PCDHGA1: variants seen among roughly 807,000 people sequenced by gnomAD.
The protein encoded by PCDHGA1 is protocadherin gamma subfamily A, 1.
PCDHGA1 carries 32 observed loss-of-function variants against 58.0 expected under a neutral mutation model. The observed-to-expected ratio is 0.55, with a 90% CI of 0.42 to 0.74. The LOEUF (loss-of-function observed/expected upper bound fraction) is 0.74, where lower values mean the gene tolerates loss of function less well. Among genes scored for constraint, PCDHGA1 ranks in the 30% least tolerant of loss-of-function variants. PCDHGA1 has a pLI of 0.00. For missense variants in PCDHGA1, 1,205 were observed against 1,182.3 expected, an observed-to-expected ratio of 1.02 and a Z score of -0.28; for synonymous variants, 498 against 501.1, an observed-to-expected ratio of 0.99 and a Z score of 0.08.
At chr5:141,425,447 A>G (rs549575207) in intron 1 of PCDHGA1, among the ~76,000 whole-genome samples, 5 of 152,318 alleles carry the variant, frequency 3.3e-5, no homozygotes, top group African/African-American at 1.2e-4. Flanking sequence ...AAAATAAAAC[A>G]CCATCACATT....
chr5:141,488,428 C>A (rs1234461104), intron 1 of PCDHGA1, among the ~76,000 whole-genome samples: 1 of 152,186 alleles, frequency 6.6e-6, no homozygotes, highest in Non-Finnish European at 1.5e-5. Context: ...CATGCTTGGC[C>A]TCTGACCACC....
Position 141,405,029 on chromosome 5 carries a change from C to G in PCDHGA1, c.2421+71924C>G, listed in dbSNP as rs565871444. 16 of 1,613,976 alleles carry G rather than the reference C, an allele frequency of 9.9e-6. No individual in the cohort carries two copies. The Admixed American group carries it at 1.0e-4, about 10-fold the overall frequency. On this transcript the variant is annotated intron_variant, in intron 1 of 3. Coordinates refer to ENST00000517417, the MANE Select transcript of PCDHGA1 (RefSeq NM_018912.3). ...GGAGGCCTCAGACCTTACCCTCTAC[C>G]TCGTTGTGGCTGTGGCAGTCGTCTC...
In PCDHGA1 at chr5:141,351,829, C is replaced by T. The variant is rs1330415578; in HGVS notation, c.2421+18724C>T. On this transcript the variant is annotated intron_variant, in intron 1 of 3. Transcript: ENST00000517417. ...CCTTCGACCACGAGCAGCTGCGCGCCTTCGAGCTCACACTGCAGGCCAGGG... is the reference window on the plus strand; with the variant it reads ...CCTTCGACCACGAGCAGCTGCGCGCTTTCGAGCTCACACTGCAGGCCAGGG... 10 of 1,613,244 alleles carry T rather than the reference C, an allele frequency of 6.2e-6. No homozygotes were observed. The Middle Eastern group carries it at 5.0e-4, about 80-fold the overall frequency.
intron 1 of PCDHGA1, chr5:141,478,359 G>A: frequency 6.2e-7 from 1 of 1,613,734 alleles, no homozygotes; most frequent in Non-Finnish European, 8.5e-7. Flanking sequence ...GACGCCGTGC[G>A]GGGAGGCCTG....
intron 1 of PCDHGA1, chr5:141,422,091 G>C: frequency 6.2e-7 from 1 of 1,611,830 alleles, no homozygotes. Context: ...TGGAAAGCAA[G>C]GCTTCTGAAA....
At chr5:141,366,313 C>T (rs1764486391) in intron 1 of PCDHGA1, 1 of 1,613,760 alleles carries the variant, frequency 6.2e-7, no homozygotes, top group Non-Finnish European at 8.5e-7. Context: ...TCACGGTCAC[C>T]GTTGCCGTGG....
intron 1 of PCDHGA1, among the ~76,000 whole-genome samples, chr5:141,382,030 T>C (rs953371042): frequency 6.6e-6 from 1 of 151,856 alleles, no homozygotes; most frequent in African/African-American, 2.4e-5. Context: ...GGTTTCTCCA[T>C]GTTGGTCAGG....
intron 1 of PCDHGA1, chr5:141,403,870 T>A: frequency 6.2e-7 from 1 of 1,613,498 alleles, no homozygotes; most frequent in African/African-American, 1.3e-5. Flanking sequence ...CAGCAAAAAG[T>A]CTAGATTATG....
At chr5:141,413,385 A>G (rs1328460811) in intron 1 of PCDHGA1, 23 of 1,613,870 alleles carry the variant, frequency 1.4e-5, no homozygotes, top group Non-Finnish European at 1.8e-5. Flanking sequence ...GAGTCCGCAT[A>G]GTCTCCAGAG....
intron 1 of PCDHGA1, chr5:141,343,779 G>A (rs1757323091): frequency 2.4e-6 from 1 of 414,320 alleles, no homozygotes; most frequent in South Asian, 6.1e-5. Context: ...AGGCCTCTTA[G>A]TGTCGCTGTT....
intron 1 of PCDHGA1, chr5:141,333,517 C>T (rs1417457501): frequency 3.8e-6 from 1 of 260,036 alleles, no homozygotes; most frequent in African/African-American, 2.3e-5. Context: ...GCTAATCTAC[C>T]CCTGAATTTA....
At position 141,489,063 on chromosome 5, in the gene PCDHGA1, C is replaced by A; in HGVS notation, c.2422-5744C>A. ...CTCCACTCAAATTCAGCTCCCCTCC[C>A]CCCTGCCCACCCCCGCCACTCGGTG... On this transcript the variant is annotated intron_variant, in intron 1 of 3. Coordinates refer to ENST00000517417, the MANE Select transcript of PCDHGA1 (RefSeq NM_018912.3). This position sits in a 1 kb window ranked among gnomAD's most constrained non-coding sequence, Gnocchi z 4.5. 2.6e-6 allele frequency: 1 copy of A among 384,986 alleles called. No individual in the cohort carries two copies. Among genetic ancestry groups the A allele is most frequent in the East Asian group, 4.5e-5 (1 of 22,374 alleles). 23.8% of individuals were successfully genotyped at this position (384,986 alleles called of 1,614,324 possible). A position where few individuals can be genotyped will look rare whatever the true frequency, so the allele number is the denominator to read the frequency against.
intron 1 of PCDHGA1, chr5:141,361,215 G>A: frequency 1.2e-6 from 2 of 1,613,962 alleles, no homozygotes; most frequent in Non-Finnish European, 1.7e-6. Flanking sequence ...CGGAGGATTC[G>A]CCACCAGGAA....
intron 1 of PCDHGA1, chr5:141,484,949 A>G: frequency 1.8e-6 from 1 of 557,402 alleles, no homozygotes; most frequent in East Asian, 3.1e-5. Flanking sequence ...TGCTCAGCCT[A>G]TTGGCTGAGC....
intron 1 of PCDHGA1, among the ~76,000 whole-genome samples, chr5:141,434,463 G>A (rs967685246): frequency 5.9e-5 from 9 of 152,192 alleles, no homozygotes; most frequent in Admixed American, 1.3e-4. Flanking sequence ...TGGGTTTACC[G>A]GAATGAGGGC....
intron 1 of PCDHGA1, among the ~76,000 whole-genome samples, chr5:141,457,029 C>G (rs2098904194): frequency 6.6e-6 from 1 of 152,170 alleles, no homozygotes; most frequent in Non-Finnish European, 1.5e-5. Flanking sequence ...TCCTAGTAGA[C>G]TCAGTGATAG....
intron 1 of PCDHGA1, among the ~76,000 whole-genome samples, chr5:141,358,236 T>C (rs1225298573): frequency 1.3e-5 from 2 of 152,182 alleles, no homozygotes; most frequent in African/African-American, 2.4e-5. Flanking sequence ...AATTTCCTTT[T>C]CTCTTAGGTG....
Position 141,486,390 on chromosome 5 carries a change from C to G in PCDHGA1, c.2422-8417C>G. 6.2e-7 allele frequency: 1 copy of G among 1,614,138 alleles called. No individual in the cohort carries two copies. The highest frequency in any genetic ancestry group is 8.5e-7 in the Non-Finnish European group (1 of 1,179,996). Reference sequence around the variant, plus strand: ...AAGTCTGCCTTCAGGAACCAGTTCTCCCTGGTGACTGCTGGACCCTTGGAT... The same window carrying G: ...AAGTCTGCCTTCAGGAACCAGTTCTGCCTGGTGACTGCTGGACCCTTGGAT... On this transcript the variant is annotated intron_variant, in intron 1 of 3. Coordinates refer to ENST00000517417, the MANE Select transcript of PCDHGA1 (RefSeq NM_018912.3). This position sits in a 1 kb window ranked among gnomAD's most constrained non-coding sequence, Gnocchi z 5.0.
At chr5:141,384,214 T>A in intron 1 of PCDHGA1, 1 of 1,613,874 alleles carries the variant, frequency 6.2e-7, no homozygotes, top group Non-Finnish European at 8.5e-7. Flanking sequence ...AACTCACATA[T>A]TCATGCAGGT....
Sources: allele counts gnomAD v4.1 joint callset (sites outside exome capture counted in the v4.1 genomes callset), GRCh38; gene constraint gnomAD v4.1.1; non-coding constraint Gnocchi (gnomAD v3.1); transcripts MANE v1.5; gene names NCBI Gene and HGNC (gene_info 2026-07-23, HGNC 2026-07-21).